KDM1B: variants seen among roughly 807,000 people sequenced by gnomAD.
KDM1B encodes lysine demethylase 1B.
Under a neutral mutation model 107.4 loss-of-function variants are expected in KDM1B, and 63 were observed. That is an observed-to-expected ratio of 0.59 (90% CI 0.48 to 0.72). KDM1B has a LOEUF of 0.72. Ranked by LOEUF, KDM1B falls within the 30% of genes least tolerant of loss-of-function variation. The probability of loss-of-function intolerance (pLI) is 0.00; values close to 1 mark genes in which losing one functional copy is unlikely to be tolerated. For synonymous variants in KDM1B, 363 were observed against 363.9 expected (o/e 1.00, Z 0.03); for missense variants, 749 against 1,020.8 (o/e 0.73, Z 3.63).
chr6:18,171,045 T>G (rs1031608161), intron 6 of KDM1B, among the ~76,000 whole-genome samples: 1 of 151,846 alleles, frequency 6.6e-6, no homozygotes, highest in Admixed American at 6.6e-5. Flanking sequence ...TGGTCTGGAT[T>G]TCCTGACCTC....
intron 10 of KDM1B, among the ~76,000 whole-genome samples, chr6:18,194,262 G>A (rs539621523): frequency 5.9e-5 from 9 of 152,246 alleles, no homozygotes; most frequent in African/African-American, 1.4e-4. Context: ...TGATCCACCC[G>A]CCTTGGCCTC....
chr6:18,190,461 G>T (rs1787203510), intron 9 of KDM1B, among the ~76,000 whole-genome samples: 1 of 151,782 alleles, frequency 6.6e-6, no homozygotes, highest in Admixed American at 6.6e-5. Flanking sequence ...AATTAGCTGG[G>T]CATGGTGGCG....
intron 6 of KDM1B, among the ~76,000 whole-genome samples, chr6:18,170,874 G>T (rs1785609830): frequency 6.6e-6 from 1 of 151,500 alleles, no homozygotes; most frequent in African/African-American, 2.4e-5. Context: ...AGGCTGGAGT[G>T]TAGTGGTGCG....
At position 18,187,849 on chromosome 6, in the gene KDM1B, C is replaced by G; in HGVS notation, c.631C>G (p.Leu211Val). ...WYSMLILPPL[L>V]KDSVAAPLLS... ...CTCTATGCTCATCCTACCTCCTTTG[C>G]TGAAAGACAGTGTGGCAGCGCCCCT... is the stretch of plus-strand genomic sequence containing the variant. The change falls in exon 9 of 22, where the codon CTG becomes GTG. Residue 211 changes from leucine (L) to valine (V), a missense_variant. Transcript: ENST00000650836. 1 of 1,550,504 alleles carries G rather than the reference C, an allele frequency of 6.4e-7. No homozygotes were observed. The highest frequency in any genetic ancestry group is 8.7e-7 in the Non-Finnish European group (1 of 1,146,964).
chr6:18,214,291 C>G lies in KDM1B; in HGVS notation c.2109+510C>G, dbSNP rs1227171749. 6.6e-6 allele frequency among the ~76,000 whole-genome samples: 1 copy of G among 152,306 alleles called. No individual in the cohort carries two copies. The highest frequency in any genetic ancestry group is 1.5e-5 in the Non-Finnish European group (1 of 68,020). On this transcript the variant is annotated intron_variant, in intron 19 of 21. Transcript: ENST00000650836. This position sits in a 1 kb window ranked among gnomAD's most constrained non-coding sequence, Gnocchi z 4.4. ...ACGAAAGAATCATGGCTGTTTCTGACTTTCAGTTTCAAGAAACTTTGTCTT... is the reference window on the plus strand; with the variant it reads ...ACGAAAGAATCATGGCTGTTTCTGAGTTTCAGTTTCAAGAAACTTTGTCTT...
chr6:18,220,153 A>T (rs1042569825), intron 21 of KDM1B, among the ~76,000 whole-genome samples: 1 of 152,226 alleles, frequency 6.6e-6, no homozygotes, highest in African/African-American at 2.4e-5. Context: ...CAAACTTAAA[A>T]TGAATTGTTA....
rs1038700631 is a variant in KDM1B, at chr6:18,214,801, T to C, written c.2110-206T>C. 5.3e-5 allele frequency among the ~76,000 whole-genome samples: 8 copies of C among 152,142 alleles called. No homozygotes were observed. Among genetic ancestry groups the C allele is most frequent in the Non-Finnish European group, 8.8e-5 (6 of 68,028 alleles). ...GGCAGACGCCTGTAATCCCAGCTAC[T>C]CTGGAGGCTGAGGCAGGAGAATCAC... On this transcript the variant is annotated intron_variant, in intron 19 of 21. Transcript: ENST00000650836. The surrounding 1 kb of genome is among the most constrained non-coding windows in gnomAD (Gnocchi z 4.4).
At chr6:18,215,430 T>A (rs1263398937) in intron 20 of KDM1B, among the ~76,000 whole-genome samples, 2 of 152,224 alleles carry the variant, frequency 1.3e-5, no homozygotes, top group Non-Finnish European at 2.9e-5. Flanking sequence ...CCTCTCTGTT[T>A]GGCTGGTAGA....
At chr6:18,206,150 A>AT (rs1561946773) in intron 15 of KDM1B, among the ~76,000 whole-genome samples, 15 of 128,684 alleles carry the variant, frequency 1.2e-4, no homozygotes, top group African/African-American at 4.0e-4. Flanking sequence ...TGTTTTTTAA[A>AT]CTTTTTTTTT....
chr6:18,156,637 A>C (rs1427823387), intron 2 of KDM1B, among the ~76,000 whole-genome samples: 5 of 152,130 alleles, frequency 3.3e-5, no homozygotes, highest in Non-Finnish European at 7.4e-5. Flanking sequence ...CTGCATGTTG[A>C]ATATTGAATA....
intron 21 of KDM1B, among the ~76,000 whole-genome samples, chr6:18,220,689 G>T (rs982413524): frequency 6.6e-6 from 1 of 152,166 alleles, no homozygotes; most frequent in African/African-American, 2.4e-5. Flanking sequence ...GCTGTTTCAG[G>T]CTACTGTGCC....
chr6:18,185,242 T>G (rs1053558342), intron 7 of KDM1B, among the ~76,000 whole-genome samples: 1 of 152,118 alleles, frequency 6.6e-6, no homozygotes, highest in Non-Finnish European at 1.5e-5. Flanking sequence ...GGTTGTTATA[T>G]GCCTTTATTT....
chr6:18,198,821 A>G (rs1224885066), intron 12 of KDM1B, among the ~76,000 whole-genome samples: 1 of 151,404 alleles, frequency 6.6e-6, no homozygotes, highest in Non-Finnish European at 1.5e-5. Flanking sequence ...TTAAAATCCA[A>G]AATCTAGGCA....
chr6:18,178,890 C>T (rs1343502770), intron 7 of KDM1B, among the ~76,000 whole-genome samples: 2 of 152,212 alleles, frequency 1.3e-5, no homozygotes, highest in African/African-American at 4.8e-5. Flanking sequence ...CAAACCTCTT[C>T]TCAGTCTTTT....
chr6:18,199,668 C>T (rs111696175), intron 12 of KDM1B, among the ~76,000 whole-genome samples: 6,071 of 151,402 alleles, frequency 0.04, 347 homozygotes, highest in African/African-American at 0.13. Flanking sequence ...TAGGCCAAGC[C>T]CATGAAGTAA....
chr6:18,165,668 CAA>C (rs1439180497), intron 5 of KDM1B, among the ~76,000 whole-genome samples: 2 of 152,002 alleles, frequency 1.3e-5, no homozygotes, highest in African/African-American at 4.8e-5. Context: ...ACTAAAAATA[CAA>C]AAGTTAGCCA....
intron 8 of KDM1B, among the ~76,000 whole-genome samples, chr6:18,187,513 G>A (rs1207161396): frequency 6.6e-6 from 1 of 152,110 alleles, no homozygotes; most frequent in Non-Finnish European, 1.5e-5. Flanking sequence ...GACTCACCTG[G>A]CATTGGGGAG....
chr6:18,170,053 CATG>C (rs1785556067), intron 6 of KDM1B, among the ~76,000 whole-genome samples: 1 of 151,922 alleles, frequency 6.6e-6, no homozygotes, highest in Admixed American at 6.6e-5. Context: ...CGATTACAGG[CATG>C]CACCCCCACG....
intron 21 of KDM1B, among the ~76,000 whole-genome samples, chr6:18,221,323 C>T (rs1465109579): frequency 1.3e-5 from 2 of 152,144 alleles, no homozygotes; most frequent in East Asian, 3.8e-4. Flanking sequence ...TAATTCAGGC[C>T]TCCTCCTATC....
Sources: allele counts gnomAD v4.1 joint callset (sites outside exome capture counted in the v4.1 genomes callset), GRCh38; gene constraint gnomAD v4.1.1; non-coding constraint Gnocchi (gnomAD v3.1); transcripts MANE v1.5; gene names NCBI Gene and HGNC (gene_info 2026-07-23, HGNC 2026-07-21).